Variants in RBKS observed in about 807,000 individuals in gnomAD.
The protein encoded by RBKS is ribokinase.
RBKS carries 33 observed loss-of-function variants against 33.9 expected under a neutral mutation model. That is an observed-to-expected ratio of 0.97 (90% CI 0.74 to 1.30). The LOEUF (loss-of-function observed/expected upper bound fraction) is 1.30. RBKS is among the 50% of genes most tolerant of loss of function. The pLI, the probability that RBKS is intolerant of heterozygous loss-of-function variation, is 0.00. For synonymous variants in RBKS, 125 were observed against 143.0 expected, an observed-to-expected ratio of 0.87 and a Z score of 0.90; for missense variants, 361 against 392.6, an observed-to-expected ratio of 0.92 and a Z score of 0.68.
At chr2:27,833,877 C>G (rs1678469294) in intron 5 of RBKS, among the ~76,000 whole-genome samples, 1 of 152,202 alleles carries the variant, frequency 6.6e-6, no homozygotes, top group Admixed American at 6.5e-5. Flanking sequence ...GGTCCACTGA[C>G]TTGCGTGTTA....
intron 1 of RBKS, among the ~76,000 whole-genome samples, chr2:27,875,821 T>C (rs1484152798): frequency 1.3e-5 from 2 of 152,182 alleles, no homozygotes; most frequent in Admixed American, 6.5e-5. Flanking sequence ...ACTGAGCTCC[T>C]TGCCTGTACA....
At chr2:27,861,154 G>A (rs550383719) in intron 1 of RBKS, among the ~76,000 whole-genome samples, 1 of 152,250 alleles carries the variant, frequency 6.6e-6, no homozygotes, top group South Asian at 2.1e-4. Context: ...TTTTGGTAGA[G>A]AGGGGGTTTC....
chr2:27,812,746 T>C (rs1678009804), intron 7 of RBKS, among the ~76,000 whole-genome samples: 1 of 152,160 alleles, frequency 6.6e-6, no homozygotes, highest in Non-Finnish European at 1.5e-5. Context: ...TTAGGAGATA[T>C]ATCTAATGTA....
chr2:27,858,409 A>G (rs1663902538), intron 2 of RBKS, 30 bp downstream of exon 2: 1 of 1,570,816 alleles, frequency 6.4e-7, no homozygotes, highest in Non-Finnish European at 8.6e-7. Context: ...TCTTACCTCT[A>G]GAGTCCTCTC....
chr2:27,890,383 T>C lies in RBKS; in HGVS notation c.-38A>G. 3 of 1,587,530 alleles carry C rather than the reference T, an allele frequency of 1.9e-6. No homozygotes were observed. Among genetic ancestry groups the C allele is most frequent in the Non-Finnish European group, 1.7e-6 (2 of 1,166,710 alleles). ...CTGCTGTCCAACCTGGACGGTGACCTCTGCCCTTTGCCCGACCCCGTAACC... is the reference window on the plus strand; with the variant it reads ...CTGCTGTCCAACCTGGACGGTGACCCCTGCCCTTTGCCCGACCCCGTAACC... On this transcript the variant is annotated 5_prime_UTR_variant, in exon 1 of 8. Coordinates refer to ENST00000302188, the MANE Select transcript of RBKS (RefSeq NM_022128.3). This position sits in a 1 kb window ranked among gnomAD's most constrained non-coding sequence, Gnocchi z 4.8.
At chr2:27,792,781 GTCT>G (rs1177926907) in intron 7 of RBKS, among the ~76,000 whole-genome samples, 3 of 152,154 alleles carry the variant, frequency 2.0e-5, no homozygotes, top group Non-Finnish European at 2.9e-5. Context: ...GATCCTGCCA[GTCT>G]TCTTTACCTT....
rs556031671 is a variant in RBKS, at chr2:27,824,307, C to T, written c.795+3260G>A. The stretch of plus-strand genomic sequence containing the variant: ...TATTGTCACAATGTTGTACAATCAC[C>T]GACCTCTTATCTAGTTTCAAAACAT... On this transcript the variant is annotated intron_variant, in intron 7 of 7. Transcript: ENST00000302188. Among the ~76,000 whole-genome samples the T allele has an allele frequency of 1.1e-4, 17 of 152,178 alleles. No individual in the cohort carries two copies. The South Asian group carries it at 2.9e-3, about 26-fold the overall frequency.
intron 7 of RBKS, among the ~76,000 whole-genome samples, chr2:27,817,934 A>G (rs1678129497): frequency 6.6e-6 from 1 of 152,246 alleles, no homozygotes; most frequent in South Asian, 2.1e-4. Context: ...CCCTCCCTCA[A>G]CACCTGGGGA....
In RBKS at chr2:27,795,933, T is replaced by C. The variant is rs1293724415; in HGVS notation, c.796-14145A>G. On this transcript the variant is annotated intron_variant, in intron 7 of 7. Transcript: ENST00000302188. This position sits in a 1 kb window ranked among gnomAD's most constrained non-coding sequence, Gnocchi z 4.1. Reference sequence around the variant, plus strand: ...GGGCAGGGACTACTTTTCTGTCCCCTCTGTTTCTCCTGCTGCCTTGTCCCT... The same window carrying C: ...GGGCAGGGACTACTTTTCTGTCCCCCCTGTTTCTCCTGCTGCCTTGTCCCT... Among the ~76,000 whole-genome samples the C allele has an allele frequency of 1.3e-5, 2 of 152,202 alleles. No individual in the cohort carries two copies. The highest frequency in any genetic ancestry group is 2.9e-5 in the Non-Finnish European group (2 of 68,040).
rs546849810 is a variant in RBKS at position 27,878,857 on chromosome 2, T to C, written c.89+11400A>G. ...TTGAGAAGTGTCTGTTCATATCCTT[T>C]GCCCACTTTTTGATGGGGTTGTTCT... On this transcript the variant is annotated intron_variant, in intron 1 of 7. Transcript: ENST00000302188. 5.3e-5 allele frequency among the ~76,000 whole-genome samples: 8 copies of C among 152,342 alleles called. No individual in the cohort carries two copies. The South Asian group carries it at 1.2e-3, about 24-fold the overall frequency.
At chr2:27,868,495 A>G (rs1664142604) in intron 1 of RBKS, among the ~76,000 whole-genome samples, 1 of 152,252 alleles carries the variant, frequency 6.6e-6, no homozygotes, top group African/African-American at 2.4e-5. Context: ...TTCTTTGACA[A>G]TTGGTATTCT....
chr2:27,877,750 A>G (rs920188148), intron 1 of RBKS, among the ~76,000 whole-genome samples: 3 of 152,042 alleles, frequency 2.0e-5, no homozygotes, highest in African/African-American at 7.3e-5. Flanking sequence ...TTTACTAAAC[A>G]GTTGTTTCCA....
In RBKS at chr2:27,890,004, A is replaced by G; in HGVS notation, c.89+253T>C. 5.2e-6 allele frequency: 2 copies of G among 386,466 alleles called. No homozygotes were observed. Among genetic ancestry groups the G allele is most frequent in the Non-Finnish European group, 9.3e-6 (2 of 214,040 alleles). The allele number at this position is 386,466 out of a possible 1,614,324, so 23.9% of individuals were successfully genotyped here. A position where few individuals can be genotyped will look rare whatever the true frequency, so the allele number is the denominator to read the frequency against. ...GTCTTTGGAGGGCAGGTCTTTGGGG[A>G]GCGCTTTGAGTAATATTAGAGCTTT... On this transcript the variant is annotated intron_variant, in intron 1 of 7. Coordinates refer to ENST00000302188, the MANE Select transcript of RBKS (RefSeq NM_022128.3). This position sits in a 1 kb window ranked among gnomAD's most constrained non-coding sequence, Gnocchi z 4.8.
chr2:27,876,203 T>C (rs1000465711), intron 1 of RBKS, among the ~76,000 whole-genome samples: 2 of 152,174 alleles, frequency 1.3e-5, no homozygotes, highest in African/African-American at 4.8e-5. Flanking sequence ...AATAGCAGCA[T>C]TGTTCACAAT....
At chr2:27,839,530 G>A (rs1270346084) in intron 5 of RBKS, among the ~76,000 whole-genome samples, 1 of 152,110 alleles carries the variant, frequency 6.6e-6, no homozygotes, top group Non-Finnish European at 1.5e-5. Flanking sequence ...TTTTGATAGC[G>A]ACAGAGAGTT....
At chr2:27,868,639 C>T (rs1344485771) in intron 1 of RBKS, among the ~76,000 whole-genome samples, 4 of 152,182 alleles carry the variant, frequency 2.6e-5, no homozygotes, top group Non-Finnish European at 5.9e-5. Flanking sequence ...CTTTCCACCA[C>T]TTCTTGTTTT....
At chr2:27,872,988 G>A (rs1394285154) in intron 1 of RBKS, among the ~76,000 whole-genome samples, 1 of 152,166 alleles carries the variant, frequency 6.6e-6, no homozygotes. Context: ...GCCTGCAAAT[G>A]GGGAGAGGAG....
chr2:27,783,906 CAGAAAAAAAAAA>C lies in RBKS; in HGVS notation c.796-2130_796-2119del, dbSNP rs1182247193. ...TGGGCGACAGAGCGAGACTCTGTCT[CAGAAAAAAAAAA>C]AGAAAAAAAAAAAAAGAAAAACCAT... On this transcript the variant is annotated intron_variant, in intron 7 of 7. Coordinates refer to ENST00000302188, the MANE Select transcript of RBKS (RefSeq NM_022128.3). 1.2e-4 allele frequency among the ~76,000 whole-genome samples: 8 copies of C among 65,250 alleles called. No individual in the cohort carries two copies. In the South Asian group the frequency reaches 2.2e-3, roughly 18 times the overall value. 42.8% of individuals were successfully genotyped at this position (65,250 alleles called of 152,430 possible).
intron 7 of RBKS, chr2:27,809,695 T>G: frequency 3.1e-6 from 1 of 319,232 alleles, no homozygotes. Context: ...TATTTTCTGC[T>G]AAATGTTCAT....
Sources: gnomAD v4.1 joint callset for allele counts (sites outside exome capture counted in the v4.1 genomes callset) on GRCh38, gnomAD v4.1.1 for gene constraint, Gnocchi (gnomAD v3.1) non-coding constraint, MANE v1.5 for transcripts, NCBI Gene and HGNC (gene_info 2026-07-23, HGNC 2026-07-21) for gene names.